Variants in ALG3 observed in about 807,000 individuals in gnomAD.
The protein encoded by ALG3 is ALG3 alpha-1,3- mannosyltransferase, also known as dol-P-Man:Man(5)GlcNAc(2)-PP-Dol alpha-1,3-mannosyltransferase.
In ALG3, 39 loss-of-function variants were observed where a neutral mutation model predicts 50.5. The ratio of observed to expected loss-of-function variants is 0.77; its 90% CI spans 0.60 to 1.01. ALG3 has a LOEUF of 1.01. Among genes scored for constraint, ALG3 ranks in the 50% least tolerant of loss-of-function variants. The probability of loss-of-function intolerance (pLI) is 0.00; values close to 1 mark genes in which losing one functional copy is unlikely to be tolerated. For synonymous variants in ALG3, 252 were observed against 237.2 expected, an observed-to-expected ratio of 1.06 and a Z score of -0.58; for missense variants, 520 against 554.8, an observed-to-expected ratio of 0.94 and a Z score of 0.63.
chr3:184,245,025 T>G, intron 4 of ALG3, 173 bp downstream of exon 4: 2 of 889,114 alleles, frequency 2.2e-6, no homozygotes, highest in East Asian at 5.3e-5. Flanking sequence ...AGGGCATGTG[T>G]GTATGTTGGG....
In ALG3 at chr3:184,248,954, C is replaced by T. The variant is rs764412215; in HGVS notation, c.-14G>A. 1 of 1,565,784 alleles carries T rather than the reference C, an allele frequency of 6.4e-7. No homozygotes were observed. Among genetic ancestry groups the T allele is most frequent in the Admixed American group, 1.9e-5 (1 of 53,954 alleles). On this transcript the variant is annotated 5_prime_UTR_variant, in exon 1 of 9. Coordinates refer to ENST00000397676, the MANE Select transcript of ALG3 (RefSeq NM_005787.6). The stretch of plus-strand genomic sequence containing the variant: ...CCCAGCCGCCATCTTAACGGTGCGC[C>T]GCTTGTGTGGGCCCACCACCCCCGG...
chr3:184,245,186 A>G lies in ALG3; in HGVS notation c.605+12T>C. ...GAAAACGAGAGGGGACCAGAAAGGA[A>G]GAGGTGTTGACCTGAAAAAGCAGCA... On this transcript the variant is annotated intron_variant, in intron 4 of 8. Transcript: ENST00000397676. The G allele has an allele frequency of 6.2e-7, 1 of 1,613,862 alleles. No individual in the cohort carries two copies. Among genetic ancestry groups the G allele is most frequent in the Non-Finnish European group, 8.5e-7 (1 of 1,179,842 alleles).
intron 4 of ALG3, 182 bp downstream of exon 4, chr3:184,245,016 G>A: frequency 1.2e-6 from 1 of 854,186 alleles, no homozygotes; most frequent in South Asian, 1.5e-5. Flanking sequence ...GATGGAAAGA[G>A]GGCATGTGTG....
At position 184,242,612 on chromosome 3, in the gene ALG3, C is replaced by G. The variant is rs758301226; in HGVS notation, c.1219G>C (p.Ala407Pro). ...NTYPSTSCSS[A>P]ALHICHAVIL... ...ACGGCATGGCATATGTGCAGGGCAG[C>G]AGAGCTGCAGGATGTGGAAGGGTAT... The change falls in exon 9 of 9, where the codon GCT (alanine) becomes CCT (proline). Residue 407 changes from alanine to proline, a missense_variant. Ala to Pro is a conservative substitution (Grantham distance 27). This residue lies in a region of ALG3 where 224 missense variants were observed against 272.8 expected (regional missense o/e 0.82). Transcript: ENST00000397676. The G allele has an allele frequency of 6.3e-7, 1 of 1,584,814 alleles. No homozygotes were observed. The highest frequency in any genetic ancestry group is 2.2e-5 in the East Asian group (1 of 44,488).
chr3:184,245,354 G>T lies in ALG3; in HGVS notation c.449C>A (p.Pro150His). ...GCACATGAAGAAAAAGACGAAGGGA[G>T]GTACCTAAAGGGAAAACACAGTAAG... ...FLIYHQTCKV[P>H]PFVFFFMCCA... The change falls in exon 4 of 9, where the codon CCT becomes CAT. Residue 150 changes from proline to histidine, a missense_variant. Transcript: ENST00000397676. 2 of 1,612,434 alleles carry T rather than the reference G, an allele frequency of 1.2e-6. No individual in the cohort carries two copies. Among genetic ancestry groups the T allele is most frequent in the Non-Finnish European group, 1.7e-6 (2 of 1,179,204 alleles).
chr3:184,246,992 T>C (rs1265061553), intron 1 of ALG3, among the ~76,000 whole-genome samples: 4 of 151,310 alleles, frequency 2.6e-5, no homozygotes, highest in African/African-American at 9.7e-5. Flanking sequence ...GCAACCACCA[T>C]CTCCCCGGTT....
At position 184,243,912 on chromosome 3, in the gene ALG3, G is replaced by A; in HGVS notation, c.811C>T (p.His271Tyr). Residue 271 changes from histidine (H) to tyrosine (Y), a missense_variant, in exon 6 of 9, where the codon CAC (histidine) becomes TAC (tyrosine). Transcript: ENST00000397676. ...AGGAAGCGCCAGTTCACTGTCCAGTGGAACAGAAACTGGCGGCCAAGGTCA... is the reference window on the plus strand; with the variant it reads ...AGGAAGCGCCAGTTCACTGTCCAGTAGAACAGAAACTGGCGGCCAAGGTCA... ...SFDLGRQFLF[H>Y]WTVNWRFLPE... 6.2e-7 allele frequency: 1 copy of A among 1,613,908 alleles called. No individual in the cohort carries two copies. The highest frequency in any genetic ancestry group is 8.5e-7 in the Non-Finnish European group (1 of 1,179,872).
At chr3:184,244,570 A>T (rs1397843659) in intron 5 of ALG3, 31 bp downstream of exon 5, 1 of 1,597,878 alleles carries the variant, frequency 6.3e-7, no homozygotes, top group South Asian at 1.1e-5. Context: ...CTTCTCCTTG[A>T]TTAGAAAGAG....
chr3:184,248,936 G>A lies in ALG3; in HGVS notation c.5C>T (p.Ala2Val), dbSNP rs1398129353. ...CCGGCCGCGTTTCCGCAGCCCAGCC[G>A]CCATCTTAACGGTGCGCCGCTTGTG... M[A>V]AGLRKRGRSG... The change falls in exon 1 of 9, where the codon GCG (alanine) becomes GTG (valine). Residue 2 changes from alanine (A) to valine (V), a missense_variant. Physicochemically the swap from Ala to Val is moderately conservative, Grantham distance 64. Transcript: ENST00000397676. 4 of 1,579,792 alleles carry A rather than the reference G, an allele frequency of 2.5e-6. No individual in the cohort carries two copies. The highest frequency in any genetic ancestry group is 1.8e-5 in the Admixed American group (1 of 56,008).
Position 184,244,684 on chromosome 3 carries a change from C to G in ALG3, c.643G>C (p.Ala215Pro), listed in dbSNP as rs781482836. The G allele has an allele frequency of 6.2e-7, 1 of 1,610,036 alleles. No individual in the cohort carries two copies. The change falls in exon 5 of 9, where the codon GCC becomes CCC. Residue 215 changes from alanine (A) to proline (P), a missense_variant. Physicochemically the swap from Ala to Pro is conservative, Grantham distance 27 (BLOSUM62 -1). This residue lies in a region of ALG3 where 6 missense variants were observed against 16.1 expected (regional missense o/e 0.37). Coordinates refer to ENST00000397676, the MANE Select transcript of ALG3 (RefSeq NM_005787.6). ...VSVKMNVLLF[A>P]PGLLFLLLTQ... ...AGGAGAAGAAACAGTAACCCAGGGG[C>G]GAAGAGCAGCACATTCATCTTCACA...
At chr3:184,243,093 A>G in intron 7 of ALG3, 136 bp from the exon 8 acceptor site, 7 of 1,136,570 alleles carry the variant, frequency 6.2e-6, no homozygotes, top group Non-Finnish European at 8.8e-6. Flanking sequence ...AAGTTTATTA[A>G]CCTCTCTGGA....
chr3:184,242,724 C>T, intron 8 of ALG3, 48 bp from the exon 9 acceptor site: 1 of 1,579,022 alleles, frequency 6.3e-7, no homozygotes, highest in Non-Finnish European at 8.6e-7. Context: ...GCAAGGCCTG[C>T]AGACCTGCAG....
Position 184,245,463 on chromosome 3 carries a change from C to G in ALG3, c.444+5G>C. 6.2e-7 allele frequency: 1 copy of G among 1,613,818 alleles called. No individual in the cohort carries two copies. The highest frequency in any genetic ancestry group is 8.5e-7 in the Non-Finnish European group (1 of 1,179,724). On this transcript the variant is annotated splice_donor_5th_base_variant and intron_variant, in intron 3 of 8. Transcript: ENST00000397676. ...GGCCCTCTAGCCCTGGTAGCATGGA[C>G]TCACCTTGCAGGTCTGGTGATAGAT... is the stretch of plus-strand genomic sequence containing the variant.
chr3:184,246,675 GTCT>G lies in ALG3; in HGVS notation c.197-866_197-864del, dbSNP rs200192871. ...TTCAGTTCCTCAAAGGAACCAGGCT[GTCT>G]TCTTTTTTTTTTTTTTTTGACAGAG... On this transcript the variant is annotated intron_variant, in intron 1 of 8. Transcript: ENST00000397676. Among the ~76,000 whole-genome samples, 475 of 148,416 alleles carry G rather than the reference GTCT, an allele frequency of 3.2e-3. 3 individuals are homozygous for G. The highest frequency in any genetic ancestry group is 0.01 in the African/African-American group (403 of 39,520).
At chr3:184,247,593 C>T (rs989223785) in intron 1 of ALG3, among the ~76,000 whole-genome samples, 1 of 152,208 alleles carries the variant, frequency 6.6e-6, no homozygotes, top group African/African-American at 2.4e-5. Flanking sequence ...CCGCTGCGCC[C>T]AGCCTAGCTG....
chr3:184,249,008 G>A, upstream of ALG3: 1 of 1,540,118 alleles, frequency 6.5e-7, no homozygotes. Flanking sequence ...CTTAGGTTCC[G>A]CTTCCCGTGC....
Position 184,244,904 on chromosome 3 carries a change from A to G in ALG3, c.606-183T>C. ...AGAGCCTGGAGTAGGCAGGAGGCAG[A>G]TACATAGTCTCTATGCCTACTAGAT... On this transcript the variant is annotated intron_variant, in intron 4 of 8. Transcript: ENST00000397676. 7.1e-6 allele frequency: 6 copies of G among 850,680 alleles called. No homozygotes were observed. The South Asian group carries it at 1.0e-4, about 15-fold the overall frequency. The allele number at this position is 850,680 out of a possible 1,614,324, so 52.7% of individuals were successfully genotyped here.
At chr3:184,247,454 C>T (rs780572205) in intron 1 of ALG3, among the ~76,000 whole-genome samples, 6 of 151,724 alleles carry the variant, frequency 4.0e-5, no homozygotes, top group South Asian at 2.1e-4. Flanking sequence ...TATGCCACCA[C>T]GCCCAGCTAA....
upstream of ALG3, chr3:184,249,054 G>C: frequency 6.7e-7 from 1 of 1,502,472 alleles, no homozygotes; most frequent in South Asian, 1.2e-5. Context: ...GATCCGAGTA[G>C]CCAGTCTTCA....
Sources: gnomAD v4.1 joint callset for allele counts (sites outside exome capture counted in the v4.1 genomes callset) on GRCh38, gnomAD v4.1.1 for gene constraint, gnomAD v4.1.1 regional missense constraint, MANE v1.5 for transcripts, NCBI Gene and HGNC (gene_info 2026-07-23, HGNC 2026-07-21) for gene names.